MTR: variants seen among roughly 807,000 people sequenced by gnomAD.
The protein encoded by MTR is methionine synthase.
MTR carries 84 observed loss-of-function variants against 154.8 expected under a neutral mutation model. That is an observed-to-expected ratio of 0.54 (90% CI 0.45 to 0.65). The LOEUF (loss-of-function observed/expected upper bound fraction) is 0.65, where lower values mean the gene tolerates loss of function less well. Ranked by LOEUF, MTR falls within the 30% of genes least tolerant of loss-of-function variation. The probability of loss-of-function intolerance (pLI) is 0.00; values close to 1 mark genes in which losing one functional copy is unlikely to be tolerated. For missense variants in MTR, 1,275 were observed against 1,570.2 expected (o/e 0.81, Z 3.18); for synonymous variants, 554 against 553.9 (o/e 1.00, Z 0.00).
chr1:236,818,332 G>A (rs1029068133), intron 8 of MTR, among the ~76,000 whole-genome samples: 1 of 130,964 alleles, frequency 7.6e-6, no homozygotes, highest in South Asian at 2.3e-4. Context: ...CTTTCCTAGC[G>A]ATTAGGTAAA....
At chr1:236,825,293 A>T (rs1558289268) in intron 9 of MTR, 45 bp from the exon 10 acceptor site, 1 of 1,434,346 alleles carries the variant, frequency 7.0e-7, no homozygotes, top group Admixed American at 1.7e-5. Context: ...TACAGTGTAT[A>T]TTTTTAAGGC....
chr1:236,829,459 A>T (rs1312285885), intron 12 of MTR, among the ~76,000 whole-genome samples, 191 bp downstream of exon 12: 1 of 152,204 alleles, frequency 6.6e-6, no homozygotes. Flanking sequence ...GATGACGTCA[A>T]CTTTAGGGTA....
At position 236,899,262 on chromosome 1, in the gene MTR, GAC is replaced by G. The variant is rs1666821588; in HGVS notation, c.*1621_*1622del. 6.6e-6 allele frequency: 1 copy of G among 152,154 alleles called. No homozygotes were observed. Among genetic ancestry groups the G allele is most frequent in the Admixed American group, 6.5e-5 (1 of 15,274 alleles). 9.4% of individuals were successfully genotyped at this position (152,154 alleles called of 1,614,324 possible). ...TTCTAAATATGAAGGAGAGGTTGGG[GAC>G]ACGCACCCTATGTGATACCAAGTTT... On this transcript the variant is annotated 3_prime_UTR_variant, in exon 33 of 33. Coordinates refer to ENST00000366577, the MANE Select transcript of MTR (RefSeq NM_000254.3).
intron 12 of MTR, 104 bp from the exon 13 acceptor site, chr1:236,831,862 A>G (rs1432796388): frequency 1.1e-5 from 9 of 817,942 alleles, no homozygotes; most frequent in East Asian, 2.6e-5. Context: ...CAGATGGGCT[A>G]TGGTGCAGGA....
rs142095719 is a variant in MTR, at chr1:236,814,045, G to T, written c.609+1201G>T. Among the ~76,000 whole-genome samples the T allele has an allele frequency of 3.6e-3, 551 of 152,166 alleles. 7 individuals carry two copies. The highest frequency in any genetic ancestry group is 0.017 in the Middle Eastern group (5 of 294). ...CAGTTTCATTAAATGTTTCATTGTT[G>T]TGGGAATCAGACCACAGGTCCAGAA... On this transcript the variant is annotated intron_variant, in intron 6 of 32. Coordinates refer to ENST00000366577, the MANE Select transcript of MTR (RefSeq NM_000254.3).
chr1:236,834,576 C>T (rs1231419675), intron 13 of MTR, among the ~76,000 whole-genome samples: 2 of 152,208 alleles, frequency 1.3e-5, no homozygotes, highest in East Asian at 1.9e-4. Context: ...GGGTTTCATG[C>T]CTGTTCTATC....
rs1027256888 is a variant in MTR at position 236,898,892 on chromosome 1, A to G, written c.*1248A>G. On this transcript the variant is annotated 3_prime_UTR_variant, in exon 33 of 33. Transcript: ENST00000366577. Reference sequence around the variant, plus strand: ...GCCACCACTCAAGCAACAAGCCTCAAACTCAACCATGTCATCTTTTTCTTG... The same window carrying G: ...GCCACCACTCAAGCAACAAGCCTCAGACTCAACCATGTCATCTTTTTCTTG... 6.6e-6 allele frequency: 1 copy of G among 152,268 alleles called. No homozygotes were observed. The highest frequency in any genetic ancestry group is 2.1e-4 in the South Asian group (1 of 4,820). The allele number at this position is 152,268 out of a possible 1,614,324, so 9.4% of individuals were successfully genotyped here.
intron 24 of MTR, among the ~76,000 whole-genome samples, chr1:236,879,683 T>C (rs1163923358): frequency 6.6e-6 from 1 of 152,230 alleles, no homozygotes; most frequent in East Asian, 1.9e-4. Context: ...TGTTCTATCA[T>C]GAAATAGCAG....
At chr1:236,876,413 G>T (rs556876573) in intron 24 of MTR, among the ~76,000 whole-genome samples, 1 of 152,204 alleles carries the variant, frequency 6.6e-6, no homozygotes. Context: ...TTAATAATGG[G>T]TTTTGATGAG....
chr1:236,819,987 G>A, intron 8 of MTR: 1 of 1,141,238 alleles, frequency 8.8e-7, no homozygotes, highest in South Asian at 1.2e-5. Flanking sequence ...AGCCTTCCGG[G>A]AGCCATGGCT....
chr1:236,887,030 G>A (rs1273190755), intron 27 of MTR, among the ~76,000 whole-genome samples: 1 of 152,102 alleles, frequency 6.6e-6, no homozygotes, highest in African/African-American at 2.4e-5. Flanking sequence ...TCATATAGGT[G>A]TTCACAAGGG....
At chr1:236,872,564 T>C (rs1254731227) in intron 22 of MTR, among the ~76,000 whole-genome samples, 2 of 152,308 alleles carry the variant, frequency 1.3e-5, no homozygotes, top group Middle Eastern at 3.4e-3. Flanking sequence ...AGTGAGATAC[T>C]GATTCAGATC....
Position 236,898,911 on chromosome 1 carries a change from T to A in MTR, c.*1267T>A, listed in dbSNP as rs561292504. Reference sequence around the variant, plus strand: ...GCCTCAAACTCAACCATGTCATCTTTTTCTTGGATGATTGCAGTTATTTCA... The same window carrying A: ...GCCTCAAACTCAACCATGTCATCTTATTCTTGGATGATTGCAGTTATTTCA... On this transcript the variant is annotated 3_prime_UTR_variant, in exon 33 of 33. Coordinates refer to ENST00000366577, the MANE Select transcript of MTR (RefSeq NM_000254.3). 1 of 152,316 alleles carries A rather than the reference T, an allele frequency of 6.6e-6. No homozygotes were observed. Among genetic ancestry groups the A allele is most frequent in the African/African-American group, 2.4e-5 (1 of 41,572 alleles). 9.4% of individuals were successfully genotyped at this position (152,316 alleles called of 1,614,324 possible). A position where few individuals can be genotyped will look rare whatever the true frequency, so the allele number is the denominator to read the frequency against.
intron 13 of MTR, 33 bp from the exon 14 acceptor site, chr1:236,835,514 C>T (rs761134184): frequency 2.5e-6 from 4 of 1,612,426 alleles, no homozygotes; most frequent in Non-Finnish European, 2.5e-6. Context: ...TAACTGTCTC[C>T]TAATGCTGCT....
intron 22 of MTR, among the ~76,000 whole-genome samples, chr1:236,872,525 G>T (rs1408716202): frequency 6.6e-6 from 1 of 152,000 alleles, no homozygotes; most frequent in African/African-American, 2.4e-5. Context: ...CTTTTTATTG[G>T]CCTAAATAGA....
At chr1:236,860,008 A>T in intron 19 of MTR, 86 bp downstream of exon 19, 1 of 1,125,942 alleles carries the variant, frequency 8.9e-7, no homozygotes, top group Non-Finnish European at 1.3e-6. Flanking sequence ...GTAGCTGGAG[A>T]AGGAGATGCC....
chr1:236,856,988 A>G (rs983588647), intron 18 of MTR, among the ~76,000 whole-genome samples: 1 of 152,152 alleles, frequency 6.6e-6, no homozygotes, highest in African/African-American at 2.4e-5. Context: ...GCCGCAATAA[A>G]CATACGTGTA....
intron 24 of MTR, among the ~76,000 whole-genome samples, chr1:236,875,404 G>A (rs571874983): frequency 2.0e-5 from 3 of 152,316 alleles, no homozygotes; most frequent in Admixed American, 1.3e-4. Flanking sequence ...GGTATAAAAT[G>A]TAAAGATGAG....
Position 236,795,311 on chromosome 1 carries a change from A to T in MTR, c.-393A>T, listed in dbSNP as rs1366739109. 1 of 1,232,328 alleles carries T rather than the reference A, an allele frequency of 8.1e-7. No individual in the cohort carries two copies. The highest frequency in any genetic ancestry group is 1.0e-6 in the Non-Finnish European group (1 of 962,580). 76.3% of individuals were successfully genotyped at this position (1,232,328 alleles called of 1,614,324 possible). A position where few individuals can be genotyped will look rare whatever the true frequency, so the allele number is the denominator to read the frequency against. On this transcript the variant is annotated 5_prime_UTR_variant, in exon 1 of 33. Transcript: ENST00000366577. ...GAGCGCAGAACTAACCGCGCTCTGA[A>T]AGGTTCTAAATGTCTGCGGGGCTCA...
Sources: allele counts gnomAD v4.1 joint callset (sites outside exome capture counted in the v4.1 genomes callset), GRCh38; gene constraint gnomAD v4.1.1; transcripts MANE v1.5; gene names NCBI Gene and HGNC (gene_info 2026-07-23, HGNC 2026-07-21).